The following PPP4R1 variants were observed in gnomAD, a reference collection of about 807,000 sequenced individuals.
The protein encoded by PPP4R1 is protein phosphatase 4 regulatory subunit 1, also known as serine/threonine-protein phosphatase 4 regulatory subunit 1.
PPP4R1 carries 42 observed loss-of-function variants against 111.2 expected under a neutral mutation model. The observed-to-expected ratio is 0.38, with a 90% CI of 0.29 to 0.49. The LOEUF (loss-of-function observed/expected upper bound fraction) is 0.49, where lower values mean the gene tolerates loss of function less well. Among genes scored for constraint, PPP4R1 ranks in the 20% least tolerant of loss-of-function variants. The probability of loss-of-function intolerance (pLI) is 0.97; values close to 1 mark genes in which losing one functional copy is unlikely to be tolerated. For missense variants in PPP4R1, 1,012 were observed against 1,161.6 expected, an observed-to-expected ratio of 0.87 and a Z score of 1.87; for synonymous variants, 409 against 405.5, an observed-to-expected ratio of 1.01 and a Z score of -0.10.
chr18:9,576,961 T>C, intron 10 of PPP4R1, 103 bp downstream of exon 10: 1 of 1,132,758 alleles, frequency 8.8e-7, no homozygotes, highest in Non-Finnish European at 1.2e-6. Context: ...AATAGCAAAC[T>C]ATCAAAAAAT....
intron 6 of PPP4R1, among the ~76,000 whole-genome samples, chr18:9,586,299 G>A (rs1310793417): frequency 1.3e-5 from 2 of 151,876 alleles, no homozygotes; most frequent in Non-Finnish European, 2.9e-5. Context: ...TTATTGTAAT[G>A]TTTTACTAAT....
intron 2 of PPP4R1, among the ~76,000 whole-genome samples, chr18:9,604,281 C>G (rs1242087798): frequency 6.6e-6 from 1 of 152,146 alleles, no homozygotes; most frequent in Non-Finnish European, 1.5e-5. Context: ...CCCAGCCTCC[C>G]CTCATTCGAA....
In PPP4R1 at chr18:9,614,551, G is replaced by A. The variant is rs1196302766; in HGVS notation, c.-67C>T. On this transcript the variant is annotated 5_prime_UTR_variant, in exon 1 of 20. Coordinates refer to ENST00000400556, the MANE Select transcript of PPP4R1 (RefSeq NM_001042388.3). This position sits in a 1 kb window ranked among gnomAD's most constrained non-coding sequence, Gnocchi z 4.1. Reference sequence around the variant, plus strand: ...GGCTACATGGAGCGGCGCGAGCCGGGGAGCCGGTGGACGCGCGCGGGAGGG... The same window carrying A: ...GGCTACATGGAGCGGCGCGAGCCGGAGAGCCGGTGGACGCGCGCGGGAGGG... The A allele has an allele frequency of 2.0e-6, 2 of 984,746 alleles. No individual in the cohort carries two copies. The highest frequency in any genetic ancestry group is 2.4e-6 in the Non-Finnish European group (2 of 827,574). The allele number at this position is 984,746 out of a possible 1,614,324, so 61.0% of individuals were successfully genotyped here.
At chr18:9,558,426 T>G (rs546706118) in intron 14 of PPP4R1, among the ~76,000 whole-genome samples, 2 of 152,204 alleles carry the variant, frequency 1.3e-5, no homozygotes, top group African/African-American at 4.8e-5. Flanking sequence ...TCTATGGAAA[T>G]TGGGCCTTTG....
chr18:9,612,825 C>T (rs1229362114), intron 2 of PPP4R1: 1 of 152,166 alleles, frequency 6.6e-6, no homozygotes, highest in African/African-American at 2.4e-5. Context: ...GTACTGCTCC[C>T]TTTAAGAGAG....
intron 6 of PPP4R1, among the ~76,000 whole-genome samples, chr18:9,587,218 T>A (rs2067131491): frequency 6.6e-6 from 1 of 152,188 alleles, no homozygotes; most frequent in African/African-American, 2.4e-5. Context: ...AAAATAACCA[T>A]TTCAGTTTTC....
chr18:9,612,283 G>A (rs1410342226), intron 2 of PPP4R1, among the ~76,000 whole-genome samples: 1 of 152,198 alleles, frequency 6.6e-6, no homozygotes, highest in African/African-American at 2.4e-5. Context: ...TGAGGCATAG[G>A]GAGGTTAAGT....
chr18:9,581,591 T>C (rs2067030795), intron 9 of PPP4R1, among the ~76,000 whole-genome samples: 1 of 152,108 alleles, frequency 6.6e-6, no homozygotes, highest in Non-Finnish European at 1.5e-5. Context: ...GGGCCATCAT[T>C]AAGCACATTT....
chr18:9,570,249 G>A lies in PPP4R1; in HGVS notation c.1481C>T (p.Pro494Leu), dbSNP rs2066838399. Residue 494 changes from proline (P) to leucine (L), a missense_variant, in exon 11 of 20, where the codon CCC (proline) becomes CTC (leucine). Around this residue, in one of 2 missense-constraint regions of PPP4R1, gnomAD observed 707 missense variants for 742.1 expected, o/e 0.95. Transcript: ENST00000400556. ...GPEEESEGPV[P>L]SSPNITMATR... ...GGCCATGGTGATGTTTGGAGAACTG[G>A]GCACAGGGCCCTCAGATTCTTCCTC... 1.2e-6 allele frequency: 2 copies of A among 1,604,994 alleles called. No homozygotes were observed. The highest frequency in any genetic ancestry group is 8.5e-7 in the Non-Finnish European group (1 of 1,176,946).
intron 4 of PPP4R1, among the ~76,000 whole-genome samples, chr18:9,591,391 G>C (rs544979035): frequency 1.3e-5 from 2 of 151,446 alleles, no homozygotes; most frequent in East Asian, 3.9e-4. Context: ...TGTATAACCA[G>C]GTATGAACTT....
At chr18:9,554,537 T>A (rs138527167) in intron 15 of PPP4R1, among the ~76,000 whole-genome samples, 10 of 152,064 alleles carry the variant, frequency 6.6e-5, no homozygotes, top group Admixed American at 2.6e-4. Context: ...TTGGAAGCAG[T>A]TCATAACAAT....
rs2066969039 is a variant in PPP4R1 at position 9,578,227 on chromosome 18, C to T, written c.919-1036G>A. 2.0e-5 allele frequency among the ~76,000 whole-genome samples: 3 copies of T among 152,036 alleles called. No individual in the cohort carries two copies. In the South Asian group the frequency reaches 6.2e-4, roughly 32 times the overall value. On this transcript the variant is annotated intron_variant, in intron 9 of 19. Transcript: ENST00000400556. Reference sequence around the variant, plus strand: ...CTTGACTTTGCCACACACCAATTTCCCTGAAGTTTAGCATTCCTTTTCCTT... The same window carrying T: ...CTTGACTTTGCCACACACCAATTTCTCTGAAGTTTAGCATTCCTTTTCCTT...
rs546380858 is a variant in PPP4R1, at chr18:9,575,652, T to C, written c.1046+1412A>G. ...CTTTAAATAGCTATTGCAGTAATGC[T>C]ACACACCGGTAGGCGGCAAACATGG... On this transcript the variant is annotated intron_variant, in intron 10 of 19. Transcript: ENST00000400556. 7.2e-5 allele frequency among the ~76,000 whole-genome samples: 11 copies of C among 152,318 alleles called. No individual in the cohort carries two copies. The East Asian group carries it at 1.9e-3, about 27-fold the overall frequency.
At chr18:9,588,660 T>G in intron 5 of PPP4R1, 51 bp downstream of exon 5, 1 of 1,490,584 alleles carries the variant, frequency 6.7e-7, no homozygotes, top group Admixed American at 2.1e-5. Context: ...CTATTCTCCA[T>G]ATATTACACT....
In PPP4R1 at chr18:9,584,766, C is replaced by T; in HGVS notation, c.648G>A (p.Arg216=). 6.2e-7 allele frequency: 1 copy of T among 1,613,838 alleles called. No individual in the cohort carries two copies. Among genetic ancestry groups the T allele is most frequent in the Non-Finnish European group, 8.5e-7 (1 of 1,179,814 alleles). The part of the protein sequence containing the change: ...KDITERLILP[R]FCEMCCDCRM... Reference sequence around the variant, plus strand: ...TGCAATCGCAGCACATCTCACAAAACCTAGGGAGGATAAGACGCTCTGTAA... The same window carrying T: ...TGCAATCGCAGCACATCTCACAAAATCTAGGGAGGATAAGACGCTCTGTAA... Residue 216 remains arginine, a synonymous_variant, in exon 7 of 20, where the codon AGG becomes AGA. Coordinates refer to ENST00000400556, the MANE Select transcript of PPP4R1 (RefSeq NM_001042388.3).
chr18:9,602,586 G>A (rs1228194812), intron 2 of PPP4R1, among the ~76,000 whole-genome samples: 1 of 149,314 alleles, frequency 6.7e-6, no homozygotes, highest in Non-Finnish European at 1.5e-5. Flanking sequence ...TTAGCCATGC[G>A]CAGTGACTCA....
chr18:9,587,838 C>A (rs2145214001), intron 6 of PPP4R1, among the ~76,000 whole-genome samples: 1 of 152,226 alleles, frequency 6.6e-6, no homozygotes, highest in South Asian at 2.1e-4. Flanking sequence ...GCCTCAGCCT[C>A]CCAAGTAACA....
intron 10 of PPP4R1, among the ~76,000 whole-genome samples, chr18:9,576,115 G>A (rs912195691): frequency 6.6e-6 from 1 of 152,044 alleles, no homozygotes; most frequent in East Asian, 1.9e-4. Flanking sequence ...AGGACAGTAG[G>A]AGAACGGGCA....
In PPP4R1 at chr18:9,547,709, A is replaced by ATT; in HGVS notation, c.*79_*80insAA. 1 of 1,540,896 alleles carries ATT rather than the reference A, an allele frequency of 6.5e-7. No individual in the cohort carries two copies. The highest frequency in any genetic ancestry group is 8.9e-7 in the Non-Finnish European group (1 of 1,123,504). ...GAAGGTCTCTCCTCCCCCGAAAGCT[A>ATT]TCCCAGGTCACATGCGTGGCGAATG... On this transcript the variant is annotated 3_prime_UTR_variant, in exon 20 of 20. Coordinates refer to ENST00000400556, the MANE Select transcript of PPP4R1 (RefSeq NM_001042388.3).
Sources: gnomAD v4.1 joint callset for allele counts (sites outside exome capture counted in the v4.1 genomes callset) on GRCh38, gnomAD v4.1.1 for gene constraint, gnomAD v4.1.1 regional missense constraint, Gnocchi (gnomAD v3.1) non-coding constraint, MANE v1.5 for transcripts, NCBI Gene and HGNC (gene_info 2026-07-23, HGNC 2026-07-21) for gene names.